Variants in SMG6 observed in about 807,000 individuals in gnomAD.
SMG6 encodes the protein SMG6 nonsense mediated mRNA decay factor.
Under a neutral mutation model 142.2 loss-of-function variants are expected in SMG6, and 66 were observed. The observed-to-expected ratio is 0.46, with a 90% CI of 0.38 to 0.57. The LOEUF (loss-of-function observed/expected upper bound fraction) is 0.57, where lower values mean the gene tolerates loss of function less well. Ranked by LOEUF, SMG6 falls within the 20% of genes least tolerant of loss-of-function variation. The pLI, the probability that SMG6 is intolerant of heterozygous loss-of-function variation, is 0.00. For missense variants in SMG6, 1,793 were observed against 1,832.0 expected, an observed-to-expected ratio of 0.98 and a Z score of 0.39; for synonymous variants, 779 against 702.4, an observed-to-expected ratio of 1.11 and a Z score of -1.72.
At chr17:2,289,941 C>CATATATATATATATATAT (rs3055883) in intron 6 of SMG6, among the ~76,000 whole-genome samples, 4 of 141,594 alleles carry the variant, frequency 2.8e-5, no homozygotes, top group Non-Finnish European at 4.6e-5. Context: ...TTATTTTATA[C>CATATATATATATATATAT]ATATATATAT....
intron 10 of SMG6, among the ~76,000 whole-genome samples, chr17:2,202,155 G>A (rs1471258442): frequency 2.0e-5 from 3 of 152,222 alleles, no homozygotes; most frequent in African/African-American, 4.8e-5. Context: ...TTAAAAACTG[G>A]AGGAGAAAAC....
At chr17:2,279,586 G>C (rs2074737843) in intron 8 of SMG6, among the ~76,000 whole-genome samples, 3 of 152,180 alleles carry the variant, frequency 2.0e-5, no homozygotes, top group Admixed American at 1.3e-4. Flanking sequence ...ATGGATTACT[G>C]AAATGGTGAT....
chr17:2,287,086 TGC>T (rs922649157), intron 6 of SMG6, among the ~76,000 whole-genome samples: 5 of 152,060 alleles, frequency 3.3e-5, no homozygotes, highest in Non-Finnish European at 7.4e-5. Flanking sequence ...CGCCTGCCAC[TGC>T]GCCTGGCTAA....
intron 13 of SMG6, chr17:2,128,045 T>G: frequency 2.4e-6 from 1 of 418,002 alleles, no homozygotes; most frequent in East Asian, 5.8e-5. Flanking sequence ...AAATCTCTCC[T>G]GTGCTCCAGC....
intron 4 of SMG6, among the ~76,000 whole-genome samples, chr17:2,293,417 A>C (rs1418827754): frequency 2.6e-5 from 4 of 152,122 alleles, no homozygotes; most frequent in Non-Finnish European, 5.9e-5. Flanking sequence ...TATTTTATAA[A>C]CTATAAAGAG....
chr17:2,249,174 T>G (rs970011517), intron 8 of SMG6, among the ~76,000 whole-genome samples: 1 of 152,138 alleles, frequency 6.6e-6, no homozygotes, highest in Non-Finnish European at 1.5e-5. Context: ...ATTACAGGCG[T>G]GAGCCACCGC....
At chr17:2,130,543 T>C (rs2070086118) in intron 13 of SMG6, among the ~76,000 whole-genome samples, 1 of 151,406 alleles carries the variant, frequency 6.6e-6, no homozygotes, top group Non-Finnish European at 1.5e-5. Flanking sequence ...ACAAAATAAA[T>C]TCCAAATGGA....
At chr17:2,080,399 C>T (rs2068383020) in intron 15 of SMG6, among the ~76,000 whole-genome samples, 1 of 151,806 alleles carries the variant, frequency 6.6e-6, no homozygotes, top group East Asian at 1.9e-4. Flanking sequence ...GCCTGGGCAA[C>T]ACAGCGAGAC....
intron 13 of SMG6, among the ~76,000 whole-genome samples, chr17:2,147,828 C>T (rs1364071980): frequency 1.3e-5 from 2 of 152,178 alleles, no homozygotes; most frequent in Admixed American, 1.3e-4. Flanking sequence ...AACTGGAACT[C>T]CTGTGCACTA....
At chr17:2,264,307 C>T (rs544092202) in intron 8 of SMG6, among the ~76,000 whole-genome samples, 3 of 152,350 alleles carry the variant, frequency 2.0e-5, no homozygotes, top group South Asian at 4.1e-4. Flanking sequence ...TCTCAGTCAA[C>T]TCTCCCAAGC....
At chr17:2,115,352 A>G (rs999355877) in intron 13 of SMG6, among the ~76,000 whole-genome samples, 7 of 152,298 alleles carry the variant, frequency 4.6e-5, no homozygotes, top group Non-Finnish European at 1.0e-4. Context: ...CCTAACATAT[A>G]AAAAAGTATT....
chr17:2,134,419 CAAAA>C (rs58429166), intron 13 of SMG6, among the ~76,000 whole-genome samples: 6 of 28,724 alleles, frequency 2.1e-4, no homozygotes, highest in African/African-American at 1.0e-3. Context: ...GACTCCATCT[CAAAA>C]AAAAAAAAAA....
chr17:2,296,332 C>T (rs2075141740), intron 4 of SMG6, among the ~76,000 whole-genome samples: 1 of 152,182 alleles, frequency 6.6e-6, no homozygotes, highest in Admixed American at 6.6e-5. Context: ...CCCCTCCCAC[C>T]TTCAAACTCC....
intron 4 of SMG6, among the ~76,000 whole-genome samples, chr17:2,296,499 C>T (rs568508792): frequency 1.2e-4 from 18 of 152,160 alleles, no homozygotes; most frequent in Non-Finnish European, 2.5e-4. Flanking sequence ...CTGGTCTGAG[C>T]GGTGGGCAGG....
At chr17:2,277,171 TA>T (rs61028585) in intron 8 of SMG6, among the ~76,000 whole-genome samples, 1,195 of 62,990 alleles carry the variant, frequency 0.019, 36 homozygotes, top group African/African-American at 0.039. Context: ...ATTTATTTTT[TA>T]TTTTTTTTTT....
Position 2,139,515 on chromosome 17 carries a change from G to A in SMG6, c.3357+33143C>T, listed in dbSNP as rs1015222008. Among the ~76,000 whole-genome samples, 31 of 148,422 alleles carry A rather than the reference G, an allele frequency of 2.1e-4. 2 individuals carry two copies. In the South Asian group the frequency reaches 2.6e-3, roughly 12 times the overall value. ...CAGCTCACTGCACCCTTGGCCTCCC[G>A]GCATCAAGCGATTCTCCAGCCTCAA... On this transcript the variant is annotated intron_variant, in intron 13 of 18. Coordinates refer to ENST00000263073, the MANE Select transcript of SMG6 (RefSeq NM_017575.5).
intron 13 of SMG6, among the ~76,000 whole-genome samples, chr17:2,103,777 C>G (rs1201186725): frequency 6.6e-6 from 1 of 152,094 alleles, no homozygotes; most frequent in African/African-American, 2.4e-5. Context: ...CTATAGGAGA[C>G]TGAGCACACT....
chr17:2,254,742 G>A (rs537278312), intron 8 of SMG6, among the ~76,000 whole-genome samples: 44 of 152,228 alleles, frequency 2.9e-4, no homozygotes, highest in Non-Finnish European at 4.9e-4. Flanking sequence ...AACCTACTGG[G>A]CACATTTTAT....
chr17:2,301,926 T>C (rs1290838636), intron 1 of SMG6, among the ~76,000 whole-genome samples: 1 of 151,988 alleles, frequency 6.6e-6, no homozygotes, highest in Non-Finnish European at 1.5e-5. Context: ...TTCGGGAGAA[T>C]ATTATCAAGT....
Sources: gnomAD v4.1 joint callset for allele counts (sites outside exome capture counted in the v4.1 genomes callset) on GRCh38, gnomAD v4.1.1 for gene constraint, MANE v1.5 for transcripts, NCBI Gene and HGNC (gene_info 2026-07-23, HGNC 2026-07-21) for gene names.